The following DAB1 variants were observed in gnomAD, a reference collection of about 807,000 sequenced individuals.
DAB1 encodes the protein disabled homolog 1.
A neutral mutation model predicts 64.6 loss-of-function variants in DAB1; 15 were observed. The observed-to-expected ratio is 0.23, with a 90% CI of 0.16 to 0.36. The LOEUF is 0.36. Ranked by LOEUF, DAB1 falls within the 10% of genes least tolerant of loss-of-function variation. DAB1 has a pLI of 1.00. For synonymous variants in DAB1, 235 were observed against 251.9 expected, an observed-to-expected ratio of 0.93 and a Z score of 0.64; for missense variants, 596 against 706.7, an observed-to-expected ratio of 0.84 and a Z score of 1.78.
At chr1:58,516,572 A>T (rs1299583642) in intron 2 of DAB1, among the ~76,000 whole-genome samples, 1 of 152,234 alleles carries the variant, frequency 6.6e-6, no homozygotes. Flanking sequence ...AAGAACTCCT[A>T]TAAAAACATA....
chr1:58,538,458 C>A (rs188328561), intron 1 of DAB1, among the ~76,000 whole-genome samples: 163 of 152,130 alleles, frequency 1.1e-3, no homozygotes, highest in African/African-American at 3.9e-3. Context: ...CACTTCTGAT[C>A]CATATATCCT....
intron 3 of DAB1, among the ~76,000 whole-genome samples, chr1:58,458,812 C>T (rs910161802): frequency 6.7e-6 from 1 of 148,974 alleles, no homozygotes; most frequent in Admixed American, 6.7e-5. Flanking sequence ...AAGATTCTGT[C>T]TCAAACAAAC....
intron 6 of DAB1, among the ~76,000 whole-genome samples, chr1:57,774,001 A>C (rs1275432658): frequency 3.3e-5 from 5 of 152,020 alleles, no homozygotes; most frequent in African/African-American, 1.2e-4. Context: ...TTTTCATCTA[A>C]ATTTTAGAAT....
rs758039736 is a variant in DAB1, at chr1:57,015,032, T to A, written c.1295A>T (p.Asp432Val). 6.2e-7 allele frequency: 1 copy of A among 1,613,954 alleles called. No homozygotes were observed. The highest frequency in any genetic ancestry group is 8.5e-7 in the Non-Finnish European group (1 of 1,179,872). Residue 432 changes from aspartate to valine, a missense_variant, in exon 12 of 15, where the codon GAC (aspartate) becomes GTC (valine). Transcript: ENST00000371236. Reference protein sequence around the residue: ...QPPPVPSRKPDQPSLTCTSEA... With the variant: ...QPPPVPSRKPVQPSLTCTSEA... ...TGAGGTACAGGTGAGGGAGGGCTGGTCGGGTTTGCGGGAGGGCACGGGCGG... is the reference window on the plus strand; with the variant it reads ...TGAGGTACAGGTGAGGGAGGGCTGGACGGGTTTGCGGGAGGGCACGGGCGG...
chr1:57,902,169 A>G (rs1309691857), intron 5 of DAB1, among the ~76,000 whole-genome samples: 6 of 151,892 alleles, frequency 4.0e-5, no homozygotes, highest in East Asian at 1.9e-4. Context: ...AAAAAAAAAA[A>G]AAAGAAAGAA....
At chr1:57,128,306 C>A (rs971207323) in intron 4 of DAB1, among the ~76,000 whole-genome samples, 3 of 151,996 alleles carry the variant, frequency 2.0e-5, no homozygotes, top group Non-Finnish European at 4.4e-5. Context: ...GGATAAAAAA[C>A]CATAGCTTTT....
intron 7 of DAB1, among the ~76,000 whole-genome samples, chr1:57,607,087 C>A (rs1428835343): frequency 6.6e-6 from 1 of 151,844 alleles, no homozygotes; most frequent in Non-Finnish European, 1.5e-5. Context: ...CCATGCCCAG[C>A]CTAATCCAAT....
At chr1:57,296,348 C>G (rs1301319564) in intron 1 of DAB1, among the ~76,000 whole-genome samples, 2 of 152,134 alleles carry the variant, frequency 1.3e-5, no homozygotes, top group African/African-American at 4.8e-5. Flanking sequence ...TATTTCCTAT[C>G]TCTGTCCATT....
intron 1 of DAB1, among the ~76,000 whole-genome samples, chr1:57,877,439 G>A (rs562065203): frequency 6.6e-6 from 1 of 152,158 alleles, no homozygotes; most frequent in African/African-American, 2.4e-5. Context: ...ACACCCTTTG[G>A]CTGTTCCCAC....
At chr1:57,467,407 C>G (rs763426953) in intron 7 of DAB1, among the ~76,000 whole-genome samples, 4 of 152,198 alleles carry the variant, frequency 2.6e-5, no homozygotes, top group Non-Finnish European at 5.9e-5. Flanking sequence ...GCAGTATTAT[C>G]ACCACTTAGG....
At chr1:58,092,152 T>G (rs780827048) in intron 5 of DAB1, among the ~76,000 whole-genome samples, 14 of 151,872 alleles carry the variant, frequency 9.2e-5, no homozygotes, top group African/African-American at 1.7e-4. Flanking sequence ...TTGGCCAAGA[T>G]GGTGAAACCC....
chr1:57,820,633 A>G (rs578188228), intron 6 of DAB1, among the ~76,000 whole-genome samples: 1 of 152,328 alleles, frequency 6.6e-6, no homozygotes, highest in African/African-American at 2.4e-5. Flanking sequence ...GGATCAGCCA[A>G]AAGGATGGCT....
At chr1:57,250,862 G>A (rs1157267071) in intron 2 of DAB1, among the ~76,000 whole-genome samples, 2 of 152,156 alleles carry the variant, frequency 1.3e-5, no homozygotes, top group African/African-American at 4.8e-5. Context: ...TGAGAAATCT[G>A]AGACCATGGA....
intron 3 of DAB1, among the ~76,000 whole-genome samples, chr1:58,398,959 A>G (rs1644547481): frequency 6.6e-6 from 1 of 152,246 alleles, no homozygotes; most frequent in South Asian, 2.1e-4. Flanking sequence ...GGAGAACCAA[A>G]TTTTAAAAAT....
intron 4 of DAB1, among the ~76,000 whole-genome samples, chr1:58,186,809 A>C (rs188011176): frequency 4.9e-4 from 75 of 152,234 alleles, no homozygotes; most frequent in Non-Finnish European, 7.6e-4. Context: ...CCTCCTCTCT[A>C]TGTCTTTCTC....
intron 2 of DAB1, among the ~76,000 whole-genome samples, chr1:57,146,013 A>G (rs1383414257): frequency 6.6e-6 from 1 of 152,192 alleles, no homozygotes; most frequent in Non-Finnish European, 1.5e-5. Flanking sequence ...AGGCTTCCAC[A>G]CTATGTGCTG....
chr1:58,296,158 GAAAGAAAGAAAGAAA>G, intron 4 of DAB1, among the ~76,000 whole-genome samples: 1 of 49,530 alleles, frequency 2.0e-5, no homozygotes, highest in African/African-American at 5.2e-5. Flanking sequence ...AAAGAAAAAA[GAAAGAAAGAAAGAAA>G]AAAGAAAGAA....
intron 6 of DAB1, among the ~76,000 whole-genome samples, chr1:57,661,977 G>A (rs1646391798): frequency 6.6e-6 from 1 of 152,000 alleles, no homozygotes; most frequent in African/African-American, 2.4e-5. Context: ...GGACTTGAGG[G>A]TGACCGTAAA....
intron 4 of DAB1, among the ~76,000 whole-genome samples, chr1:58,236,028 G>A (rs1358356526): frequency 5.9e-5 from 9 of 152,280 alleles, no homozygotes; most frequent in Admixed American, 4.6e-4. Flanking sequence ...CCACCTGTCG[G>A]TCAGGGGCAG....
Sources: gnomAD v4.1 joint callset for allele counts (sites outside exome capture counted in the v4.1 genomes callset) on GRCh38, gnomAD v4.1.1 for gene constraint, MANE v1.5 for transcripts, NCBI Gene and HGNC (gene_info 2026-07-23, HGNC 2026-07-21) for gene names.